Variants in BACH2 observed in about 807,000 individuals in gnomAD.
BACH2 encodes the protein BACH transcriptional regulator 2.
Under a neutral mutation model 61.8 loss-of-function variants are expected in BACH2, and 5 were observed. The observed-to-expected ratio is 0.08, with a 90% CI of 0.04 to 0.17. BACH2 has a LOEUF of 0.17. Among genes scored for constraint, BACH2 ranks in the 10% least tolerant of loss-of-function variants. The probability of loss-of-function intolerance (pLI) is 1.00; values close to 1 mark genes in which losing one functional copy is unlikely to be tolerated. For synonymous variants in BACH2, 446 were observed against 440.1 expected (o/e 1.01, Z -0.17); for missense variants, 824 against 1,091.1 (o/e 0.76, Z 3.45).
intron 6 of BACH2, among the ~76,000 whole-genome samples, chr6:89,961,215 G>T (rs780217200): frequency 5.9e-5 from 9 of 152,104 alleles, no homozygotes; most frequent in Admixed American, 3.3e-4. Flanking sequence ...CCTTCTGAAA[G>T]ATTATAAAAT....
intron 6 of BACH2, among the ~76,000 whole-genome samples, chr6:89,975,112 A>T (rs919282021): frequency 1.3e-5 from 2 of 152,230 alleles, no homozygotes; most frequent in African/African-American, 4.8e-5. Context: ...ATTGAAAAAA[A>T]TCCCATTGAT....
At chr6:90,172,929 G>A (rs1235199357) in intron 4 of BACH2, among the ~76,000 whole-genome samples, 2 of 151,908 alleles carry the variant, frequency 1.3e-5, no homozygotes, top group African/African-American at 4.8e-5. Context: ...GGCATGTTAG[G>A]CTGAAAAAGA....
At chr6:90,219,654 CCTTCCT>C (rs1769669848) in intron 3 of BACH2, among the ~76,000 whole-genome samples, 1 of 152,160 alleles carries the variant, frequency 6.6e-6, no homozygotes, top group Non-Finnish European at 1.5e-5. Flanking sequence ...GGGCTCTACC[CCTTCCT>C]CATCTACTGA....
intron 5 of BACH2, among the ~76,000 whole-genome samples, chr6:90,027,527 G>A (rs1183274844): frequency 6.6e-6 from 1 of 152,084 alleles, no homozygotes; most frequent in African/African-American, 2.4e-5. Context: ...CTGCCATGGG[G>A]GCAGACAATA....
chr6:90,254,742 G>A (rs1475354656), intron 2 of BACH2, among the ~76,000 whole-genome samples: 1 of 152,056 alleles, frequency 6.6e-6, no homozygotes, highest in South Asian at 2.1e-4. Flanking sequence ...GAGATTTGTA[G>A]AAAAGTAACA....
intron 5 of BACH2, among the ~76,000 whole-genome samples, chr6:90,028,419 C>T (rs1472240080): frequency 6.6e-6 from 1 of 152,234 alleles, no homozygotes; most frequent in African/African-American, 2.4e-5. Flanking sequence ...ACTCTATCCT[C>T]CCATTACGGG....
intron 3 of BACH2, among the ~76,000 whole-genome samples, chr6:90,218,536 A>C (rs1239525663): frequency 3.7e-5 from 5 of 133,894 alleles, no homozygotes; most frequent in African/African-American, 8.6e-5. Flanking sequence ...CCACTGCCTC[A>C]CTGTGTTTTT....
chr6:90,158,704 T>C lies in BACH2; in HGVS notation c.-162+47865A>G, dbSNP rs1327967223. Among the ~76,000 whole-genome samples, 3 of 150,438 alleles carry C rather than the reference T, an allele frequency of 2.0e-5. No homozygotes were observed. In the East Asian group the frequency reaches 6.0e-4, roughly 30 times the overall value. On this transcript the variant is annotated intron_variant, in intron 4 of 8. Coordinates refer to ENST00000257749, the MANE Select transcript of BACH2 (RefSeq NM_021813.4). ...GTCCAGAATTTACTTCCCTCTCCTA[T>C]TCTAGGGAGGTAACGATATGGAGAT... is the stretch of plus-strand genomic sequence containing the variant.
In BACH2 at chr6:89,932,688, A is replaced by G; in HGVS notation, c.2246T>C (p.Leu749Ser). ...GGCCGCAATGTTCTGCTCAGCACCC[A>G]AGGGCGCAGGGTTAATACTGGAGGC... ...PTASSINPAPLGAEQNIAASQ... is the reference protein window; with the variant it reads ...PTASSINPAPSGAEQNIAASQ... Residue 749 changes from leucine to serine, a missense_variant, in exon 9 of 9, where the codon TTG becomes TCG. Transcript: ENST00000257749. 1 of 1,614,116 alleles carries G rather than the reference A, an allele frequency of 6.2e-7. No individual in the cohort carries two copies. Among genetic ancestry groups the G allele is most frequent in the Non-Finnish European group, 8.5e-7 (1 of 1,180,004 alleles).
chr6:89,931,224 A>C lies in BACH2; in HGVS notation c.*1184T>G, dbSNP rs1772625893. On this transcript the variant is annotated 3_prime_UTR_variant, in exon 9 of 9. Coordinates refer to ENST00000257749, the MANE Select transcript of BACH2 (RefSeq NM_021813.4). The stretch of plus-strand genomic sequence containing the variant: ...TTCCTGTTTTTCTGATGTACTTTTG[A>C]GTGAGATGTCCAAACTCTCTCCCCA... 6.6e-6 allele frequency: 1 copy of C among 152,276 alleles called. No individual in the cohort carries two copies. The highest frequency in any genetic ancestry group is 6.5e-5 in the Admixed American group (1 of 15,280). The allele number at this position is 152,276 out of a possible 1,614,324, so 9.4% of individuals were successfully genotyped here.
At chr6:90,017,977 CTTTCAGGTT>C (rs1319801482) in intron 5 of BACH2, among the ~76,000 whole-genome samples, 1 of 152,110 alleles carries the variant, frequency 6.6e-6, no homozygotes, top group Non-Finnish European at 1.5e-5. Flanking sequence ...CAGTTTGATC[CTTTCAGGTT>C]TTGCTTTTGA....
intron 2 of BACH2, among the ~76,000 whole-genome samples, chr6:90,257,444 G>A (rs1771014453): frequency 6.6e-6 from 1 of 152,126 alleles, no homozygotes; most frequent in Non-Finnish European, 1.5e-5. Context: ...AAATCACAGT[G>A]GTTTTGATTT....
At chr6:90,098,683 A>G (rs1481810471) in intron 4 of BACH2, among the ~76,000 whole-genome samples, 2 of 152,198 alleles carry the variant, frequency 1.3e-5, no homozygotes, top group African/African-American at 2.4e-5. Context: ...TCAGGTTAAA[A>G]TCTCTTGTAA....
intron 4 of BACH2, among the ~76,000 whole-genome samples, chr6:90,170,417 G>A (rs1022907413): frequency 6.6e-6 from 1 of 152,132 alleles, no homozygotes; most frequent in African/African-American, 2.4e-5. Context: ...AAGCTCAGTA[G>A]GAGCAAGAAT....
chr6:90,296,148 ACT>A (rs1421449958), intron 1 of BACH2, among the ~76,000 whole-genome samples: 2 of 151,224 alleles, frequency 1.3e-5, no homozygotes, highest in African/African-American at 4.9e-5. Context: ...CTGACTTATT[ACT>A]CTCTGCTCCT....
At chr6:90,292,647 T>G (rs1157433255) in intron 1 of BACH2, among the ~76,000 whole-genome samples, 1 of 152,234 alleles carries the variant, frequency 6.6e-6, no homozygotes, top group African/African-American at 2.4e-5. Flanking sequence ...AACCATTCAT[T>G]GGGTGCATAC....
intron 6 of BACH2, among the ~76,000 whole-genome samples, chr6:89,974,408 T>C (rs1412651165): frequency 6.6e-6 from 1 of 152,220 alleles, no homozygotes; most frequent in South Asian, 2.1e-4. Flanking sequence ...AAAATCATCA[T>C]CATCATCACT....
At chr6:90,037,040 C>T (rs779354788) in intron 5 of BACH2, among the ~76,000 whole-genome samples, 2 of 152,174 alleles carry the variant, frequency 1.3e-5, no homozygotes, top group Admixed American at 6.5e-5. Context: ...AAGCCAGTAA[C>T]AACAAAATAA....
At chr6:90,153,378 C>T (rs886701712) in intron 4 of BACH2, among the ~76,000 whole-genome samples, 2 of 152,098 alleles carry the variant, frequency 1.3e-5, no homozygotes, top group South Asian at 4.1e-4. Context: ...CTAAATACTA[C>T]TCCTCAAAAT....
Sources: allele counts gnomAD v4.1 joint callset (sites outside exome capture counted in the v4.1 genomes callset), GRCh38; gene constraint gnomAD v4.1.1; transcripts MANE v1.5; gene names NCBI Gene and HGNC (gene_info 2026-07-23, HGNC 2026-07-21).